The following SPTBN1 variants were observed in gnomAD, a reference collection of about 807,000 sequenced individuals.
SPTBN1 encodes the protein spectrin beta chain, non-erythrocytic 1.
SPTBN1 carries 32 observed loss-of-function variants against 266.4 expected under a neutral mutation model. The ratio of observed to expected loss-of-function variants is 0.12; its 90% CI spans 0.09 to 0.16. The LOEUF is 0.16. Ranked by LOEUF, SPTBN1 falls within the 10% of genes least tolerant of loss-of-function variation. SPTBN1 has a pLI of 1.00. For missense variants in SPTBN1, 2,296 were observed against 3,067.1 expected (o/e 0.75, Z 5.94); for synonymous variants, 1,336 against 1,162.2 (o/e 1.15, Z -3.04).
Position 54,645,591 on chromosome 2 carries a change from G to C in SPTBN1, c.4494+138G>C, listed in dbSNP as rs1415853064. 15 of 860,458 alleles carry C rather than the reference G, an allele frequency of 1.7e-5. No homozygotes were observed. The South Asian group carries it at 2.6e-4, about 15-fold the overall frequency. The allele number at this position is 860,458 out of a possible 1,614,324, so 53.3% of individuals were successfully genotyped here. A position where few individuals can be genotyped will look rare whatever the true frequency, so the allele number is the denominator to read the frequency against. On this transcript the variant is annotated intron_variant, in intron 21 of 35. Transcript: ENST00000356805. This position sits in a 1 kb window ranked among gnomAD's most constrained non-coding sequence, Gnocchi z 4.3. ...GCTGCCAAAGTCCACGCTCTGGATG[G>C]TCTAAAGTTTCTTTCCCTTTTCACC... is the stretch of plus-strand genomic sequence containing the variant.
In SPTBN1 at chr2:54,656,025, C is replaced by G. The variant is rs1001955775; in HGVS notation, c.6046+27C>G. 6 of 1,571,608 alleles carry G rather than the reference C, an allele frequency of 3.8e-6. No individual in the cohort carries two copies. The African/African-American group carries it at 8.1e-5, about 21-fold the overall frequency. On this transcript the variant is annotated intron_variant, in intron 29 of 35. Coordinates refer to ENST00000356805, the MANE Select transcript of SPTBN1 (RefSeq NM_003128.3). ...TAAGGATGTAGTTTATCTTTCTGCTCTTTTGGGTATCAATGGAAAACATGC... is the reference window on the plus strand; with the variant it reads ...TAAGGATGTAGTTTATCTTTCTGCTGTTTTGGGTATCAATGGAAAACATGC...
intron 1 of SPTBN1, among the ~76,000 whole-genome samples, chr2:54,458,060 A>T (rs1693161553): frequency 6.6e-6 from 1 of 152,206 alleles, no homozygotes; most frequent in Admixed American, 6.5e-5. Context: ...ATCGTCCATA[A>T]TCTGTAACCA....
intron 1 of SPTBN1, among the ~76,000 whole-genome samples, chr2:54,506,782 A>T (rs138444807): frequency 5.3e-5 from 8 of 152,320 alleles, no homozygotes; most frequent in Admixed American, 5.2e-4. Context: ...CGTGCTATGA[A>T]AAAACAACAA....
At chr2:54,658,139 GT>G in intron 30 of SPTBN1, 93 bp downstream of exon 30, 1 of 1,426,328 alleles carries the variant, frequency 7.0e-7, no homozygotes, top group Non-Finnish European at 9.5e-7. Flanking sequence ...ACGATTGCTT[GT>G]TTTTGTTTTT....
At chr2:54,559,597 G>T (rs1301459029) in intron 2 of SPTBN1, among the ~76,000 whole-genome samples, 1 of 152,168 alleles carries the variant, frequency 6.6e-6, no homozygotes, top group African/African-American at 2.4e-5. Context: ...AAGCCTGTGT[G>T]TGCACCAGTG....
At chr2:54,636,253 A>G (rs1358058428) in intron 17 of SPTBN1, among the ~76,000 whole-genome samples, 2 of 151,750 alleles carry the variant, frequency 1.3e-5, no homozygotes, top group East Asian at 3.9e-4. Flanking sequence ...ATGCTATGGA[A>G]CTCCTTTCAA....
chr2:54,629,648 G>A lies in SPTBN1; in HGVS notation c.2514G>A (p.Thr838=), dbSNP rs878934729. 9 of 1,613,880 alleles carry A rather than the reference G, an allele frequency of 5.6e-6. No homozygotes were observed. Among genetic ancestry groups the A allele is most frequent in the Middle Eastern group, 1.7e-4 (1 of 6,058 alleles). Residue 838 remains threonine (T), a synonymous_variant, in exon 14 of 36, where the codon ACG becomes ACA. Coordinates refer to ENST00000356805, the MANE Select transcript of SPTBN1 (RefSeq NM_003128.3). Reference sequence around the variant, plus strand: ...GGTATAAGGAGGTGGCAGAGCTGACGCGGCTGCGGAAGCAGGCACTCCAGG... The same window carrying A: ...GGTATAAGGAGGTGGCAGAGCTGACACGGCTGCGGAAGCAGGCACTCCAGG... The part of the protein sequence containing the change: ...EERYKEVAEL[T]RLRKQALQDT...
chr2:54,609,801 A>G (rs1418840821), intron 3 of SPTBN1, among the ~76,000 whole-genome samples: 1 of 152,136 alleles, frequency 6.6e-6, no homozygotes, highest in Non-Finnish European at 1.5e-5. Flanking sequence ...AGTAGAACCA[A>G]TTCAGAAAAC....
At chr2:54,602,011 G>T (rs911582750) in intron 3 of SPTBN1, among the ~76,000 whole-genome samples, 1 of 152,204 alleles carries the variant, frequency 6.6e-6, no homozygotes, top group Non-Finnish European at 1.5e-5. Flanking sequence ...GCCTGGTTAT[G>T]ATCTGTGTCC....
chr2:54,648,884 A>G, intron 24 of SPTBN1, 102 bp from the exon 25 acceptor site: 1 of 1,081,440 alleles, frequency 9.2e-7, no homozygotes, highest in South Asian at 1.8e-5. Flanking sequence ...GAGAAATATG[A>G]TGTAATATGC....
chr2:54,499,052 T>C (rs1669118947), intron 1 of SPTBN1, among the ~76,000 whole-genome samples: 1 of 152,140 alleles, frequency 6.6e-6, no homozygotes, highest in Non-Finnish European at 1.5e-5. Flanking sequence ...CTTTTCCCTT[T>C]GCACCTGTGG....
rs1335952665 is a variant in SPTBN1, at chr2:54,540,658, T to C, written c.148+14092T>C. 6.6e-6 allele frequency: 1 copy of C among 152,176 alleles called. No homozygotes were observed. Among genetic ancestry groups the C allele is most frequent in the Non-Finnish European group, 1.5e-5 (1 of 68,042 alleles). The allele number at this position is 152,176 out of a possible 1,614,324, so 9.4% of individuals were successfully genotyped here. A position where few individuals can be genotyped will look rare whatever the true frequency, so the allele number is the denominator to read the frequency against. The stretch of plus-strand genomic sequence containing the variant: ...AGAGGGCATCTCTAAAGAAACTATC[T>C]CCCCAAGGTTGGCCTGCAGTTTGCC... On this transcript the variant is annotated intron_variant, in intron 2 of 35. Coordinates refer to ENST00000356805, the MANE Select transcript of SPTBN1 (RefSeq NM_003128.3). The surrounding 1 kb of genome is among the most constrained non-coding windows in gnomAD (Gnocchi z 5.6).
chr2:54,583,557 G>C (rs932865058), intron 2 of SPTBN1, among the ~76,000 whole-genome samples: 1 of 152,094 alleles, frequency 6.6e-6, no homozygotes, highest in Non-Finnish European at 1.5e-5. Context: ...GCATCCTGTA[G>C]ACCCCAGTGT....
chr2:54,486,933 G>A (rs981108626), intron 1 of SPTBN1, among the ~76,000 whole-genome samples: 2 of 152,078 alleles, frequency 1.3e-5, no homozygotes, highest in African/African-American at 2.4e-5. Context: ...GCAAACATAA[G>A]TGTTGGTACT....
rs1342149251 is a variant in SPTBN1 at position 54,632,567 on chromosome 2, A to G, written c.3566A>G (p.Glu1189Gly). 3 of 1,614,202 alleles carry G rather than the reference A, an allele frequency of 1.9e-6. No homozygotes were observed. The highest frequency in any genetic ancestry group is 1.7e-6 in the Non-Finnish European group (2 of 1,180,004). The part of the protein sequence containing the change: ...KQAEAFLNNQ[E>G]YVLAHTEMPT... Reference sequence around the variant, plus strand: ...GATTTGTTCCTCTTTTTAAATAAGGAGTATGTTCTGGCTCACACTGAAATG... The same window carrying G: ...GATTTGTTCCTCTTTTTAAATAAGGGGTATGTTCTGGCTCACACTGAAATG... Residue 1189 changes from glutamate to glycine, a missense_variant and splice_region_variant, in exon 17 of 36, where the codon GAG (glutamate) becomes GGG (glycine). Glu to Gly is a moderately conservative substitution (Grantham distance 98). Coordinates refer to ENST00000356805, the MANE Select transcript of SPTBN1 (RefSeq NM_003128.3).
chr2:54,629,513 C>T lies in SPTBN1; in HGVS notation c.2379C>T (p.Ile793=), dbSNP rs267599410. Residue 793 remains isoleucine, a synonymous_variant, in exon 14 of 36, where the codon ATC becomes ATT. Transcript: ENST00000356805. Reference sequence around the variant, plus strand: ...AACACAAGGACGTGGCGGAAGAGATCGCCAATTACAGGCCCACCCTTGACA... The same window carrying T: ...AACACAAGGACGTGGCGGAAGAGATTGCCAATTACAGGCCCACCCTTGACA... ...VKKHKDVAEE[I]ANYRPTLDTL... The T allele has an allele frequency of 8.1e-6, 13 of 1,613,988 alleles. No homozygotes were observed. The highest frequency in any genetic ancestry group is 2.7e-5 in the African/African-American group (2 of 74,944).
intron 1 of SPTBN1, among the ~76,000 whole-genome samples, chr2:54,472,402 C>CT (rs1226489925): frequency 2.0e-5 from 3 of 152,090 alleles, no homozygotes; most frequent in African/African-American, 7.2e-5. Flanking sequence ...TGTTTGAACA[C>CT]TAACACATTA....
chr2:54,599,753 G>A (rs1676354555), intron 3 of SPTBN1, among the ~76,000 whole-genome samples: 1 of 152,118 alleles, frequency 6.6e-6, no homozygotes, highest in African/African-American at 2.4e-5. Context: ...TCATCTCCTT[G>A]GGAAAGGAGC....
chr2:54,489,251 G>A (rs192895252), intron 1 of SPTBN1, among the ~76,000 whole-genome samples: 244 of 150,916 alleles, frequency 1.6e-3, no homozygotes, highest in African/African-American at 5.4e-3. Flanking sequence ...AGCCCAGGAA[G>A]TTGAGGCTAT....
Sources: allele counts gnomAD v4.1 joint callset (sites outside exome capture counted in the v4.1 genomes callset), GRCh38; gene constraint gnomAD v4.1.1; non-coding constraint Gnocchi (gnomAD v3.1); transcripts MANE v1.5; gene names NCBI Gene and HGNC (gene_info 2026-07-23, HGNC 2026-07-21).